Variants in TMC2 observed in about 807,000 individuals in gnomAD.
TMC2 encodes the protein transmembrane channel like 2.
Under a neutral mutation model 105.9 loss-of-function variants are expected in TMC2, and 102 were observed. The observed-to-expected ratio is 0.96, with a 90% CI of 0.82 to 1.14. The LOEUF (loss-of-function observed/expected upper bound fraction) is 1.14, where lower values mean the gene tolerates loss of function less well. Among genes scored for constraint, TMC2 ranks in the 50% most tolerant of loss-of-function variants. The pLI, the probability that TMC2 is intolerant of heterozygous loss-of-function variation, is 0.00. For synonymous variants in TMC2, 402 were observed against 422.8 expected (o/e 0.95, Z 0.60); for missense variants, 1,093 against 1,134.3 (o/e 0.96, Z 0.52).
chr20:2,616,301 AAGTCC>A lies in TMC2; in HGVS notation c.1940+98_1940+102del. 3.0e-6 allele frequency: 3 copies of A among 984,648 alleles called. No homozygotes were observed. The highest frequency in any genetic ancestry group is 2.4e-5 in the East Asian group (1 of 41,938). 61.0% of individuals were successfully genotyped at this position (984,648 alleles called of 1,614,324 possible). A position where few individuals can be genotyped will look rare whatever the true frequency, so the allele number is the denominator to read the frequency against. On this transcript the variant is annotated intron_variant, in intron 15 of 19. Transcript: ENST00000358864. This position sits in a 1 kb window ranked among gnomAD's most constrained non-coding sequence, Gnocchi z 4.8. Reference sequence around the variant, plus strand: ...CTTAACTAGTTGGAAGAGGCTAGATAAGTCCTCTTGCCTCTCTGAACTCCCCTCTT... The same window carrying A: ...CTTAACTAGTTGGAAGAGGCTAGATATCTTGCCTCTCTGAACTCCCCTCTT...
intron 14 of TMC2, among the ~76,000 whole-genome samples, chr20:2,615,650 A>G (rs2086475231): frequency 6.6e-6 from 1 of 152,272 alleles, no homozygotes; most frequent in South Asian, 2.1e-4. Flanking sequence ...GACTGGAGGA[A>G]GAAGAGAAGG....
intron 7 of TMC2, among the ~76,000 whole-genome samples, chr20:2,587,826 C>A (rs898404529): frequency 6.6e-6 from 1 of 152,112 alleles, no homozygotes; most frequent in Admixed American, 6.6e-5. Context: ...GTCACCATGT[C>A]GTACAATAGA....
rs1202827493 is a variant in TMC2, at chr20:2,592,187, TAAAG to T, written c.835-116_835-113del. ...AAAATGAATTAAATTAATAAATACA[TAAAG>T]AAAGAAGAAAATAGGTGTATTCCGC... On this transcript the variant is annotated intron_variant, in intron 7 of 19. Coordinates refer to ENST00000358864, the MANE Select transcript of TMC2 (RefSeq NM_080751.3). The surrounding 1 kb of genome is among the most constrained non-coding windows in gnomAD (Gnocchi z 4.9). The T allele has an allele frequency of 2.4e-5, 14 of 595,096 alleles. No homozygotes were observed. The highest frequency in any genetic ancestry group is 1.4e-4 in the East Asian group (5 of 35,104). 36.9% of individuals were successfully genotyped at this position (595,096 alleles called of 1,614,324 possible). A position where few individuals can be genotyped will look rare whatever the true frequency, so the allele number is the denominator to read the frequency against.
At chr20:2,604,823 G>A (rs1194732511) in intron 11 of TMC2, among the ~76,000 whole-genome samples, 1 of 152,174 alleles carries the variant, frequency 6.6e-6, no homozygotes, top group East Asian at 1.9e-4. Context: ...TGAAGAGTGG[G>A]CCTGGAAGCT....
At chr20:2,575,270 T>A (rs2122864362) in intron 5 of TMC2, among the ~76,000 whole-genome samples, 1 of 152,344 alleles carries the variant, frequency 6.6e-6, no homozygotes, top group African/African-American at 2.4e-5. Context: ...CATGTGTTTT[T>A]TAAAATCACA....
Position 2,558,775 on chromosome 20 carries a change from G to C in TMC2, c.401+1G>C, listed in dbSNP as rs1378058177. 7 of 1,536,326 alleles carry C rather than the reference G, an allele frequency of 4.6e-6. No individual in the cohort carries two copies. In the Admixed American group the frequency reaches 1.0e-4, roughly 23 times the overall value. On this transcript the variant is annotated splice_donor_variant, in intron 3 of 19. Coordinates refer to ENST00000358864, the MANE Select transcript of TMC2 (RefSeq NM_080751.3). LOFTEE classifies it high-confidence loss of function. This position sits in a 1 kb window ranked among gnomAD's most constrained non-coding sequence, Gnocchi z 4.6. ...AGTCGAAGCGGCAGAAGAAACCCAG[G>C]TGTGTTGTGGCTCCGATTCTGGGCA...
Position 2,558,985 on chromosome 20 carries a change from C to A in TMC2, c.401+211C>A, listed in dbSNP as rs2086005511. 6.6e-6 allele frequency among the ~76,000 whole-genome samples: 1 copy of A among 152,094 alleles called. No individual in the cohort carries two copies. Among genetic ancestry groups the A allele is most frequent in the African/African-American group, 2.4e-5 (1 of 41,436 alleles). Reference sequence around the variant, plus strand: ...AACCGGGATGAAGATCGCGGGTCCGCGCGGGGGAGTGGCCGCGGGCTCTCC... The same window carrying A: ...AACCGGGATGAAGATCGCGGGTCCGAGCGGGGGAGTGGCCGCGGGCTCTCC... On this transcript the variant is annotated intron_variant, in intron 3 of 19. Coordinates refer to ENST00000358864, the MANE Select transcript of TMC2 (RefSeq NM_080751.3). This position sits in a 1 kb window ranked among gnomAD's most constrained non-coding sequence, Gnocchi z 4.6.
chr20:2,596,717 A>ATGTGTGTGTGTG (rs35925886), intron 9 of TMC2, among the ~76,000 whole-genome samples: 1 of 146,128 alleles, frequency 6.8e-6, no homozygotes, highest in East Asian at 2.0e-4. Flanking sequence ...AAAAATATAT[A>ATGTGTGTGTGTG]TGTGTGTGTG....
chr20:2,625,384 T>C (rs922686137), intron 17 of TMC2, among the ~76,000 whole-genome samples: 1 of 152,200 alleles, frequency 6.6e-6, no homozygotes, highest in Non-Finnish European at 1.5e-5. Flanking sequence ...ACTCAATCCT[T>C]CTTTCTTCCT....
At chr20:2,617,012 AC>A (rs2086487386) in intron 15 of TMC2, 59 bp from the exon 16 acceptor site, 2 of 1,605,370 alleles carry the variant, frequency 1.2e-6, no homozygotes. Context: ...TCCTTCTATC[AC>A]CCTTCCCTCG....
At chr20:2,583,927 T>C (rs1568513988) in intron 7 of TMC2, among the ~76,000 whole-genome samples, 2 of 152,294 alleles carry the variant, frequency 1.3e-5, no homozygotes, top group East Asian at 3.9e-4. Context: ...TTGTGTGTTT[T>C]TTTAAGCCTC....
At chr20:2,601,122 G>A (rs899184653) in intron 10 of TMC2, among the ~76,000 whole-genome samples, 23 of 151,676 alleles carry the variant, frequency 1.5e-4, no homozygotes, top group African/African-American at 3.9e-4. Context: ...AAATATTGCC[G>A]AAAGAAATTA....
chr20:2,621,158 C>T (rs972308738), intron 16 of TMC2, among the ~76,000 whole-genome samples: 4 of 151,980 alleles, frequency 2.6e-5, no homozygotes, highest in African/African-American at 9.7e-5. Flanking sequence ...ATCAGGAGTT[C>T]AAGACCAGCC....
rs565558014 is a variant in TMC2, at chr20:2,590,374, A to G, written c.835-1936A>G. Among the ~76,000 whole-genome samples, 3 of 152,288 alleles carry G rather than the reference A, an allele frequency of 2.0e-5. No individual in the cohort carries two copies. The East Asian group carries it at 5.8e-4, about 29-fold the overall frequency. ...AAATTTCCTGTTTCTTAAGCTAGCT[A>G]GTGGATATATAGTAGTTAATTTCCT... On this transcript the variant is annotated intron_variant, in intron 7 of 19. Coordinates refer to ENST00000358864, the MANE Select transcript of TMC2 (RefSeq NM_080751.3).
chr20:2,621,617 C>T (rs2086525794), intron 16 of TMC2, among the ~76,000 whole-genome samples: 2 of 151,978 alleles, frequency 1.3e-5, no homozygotes, highest in Admixed American at 6.6e-5. Flanking sequence ...TGCAGTGAGC[C>T]GAAATCATGC....
rs138315031 is a variant in TMC2, at chr20:2,573,545, T to C, written c.645+1276T>C. ...ATGGTACTCTCTTATTAATTCTTTT[T>C]TTTTTCTTTTCTTTTCTTTTTTTTT... On this transcript the variant is annotated intron_variant, in intron 5 of 19. Coordinates refer to ENST00000358864, the MANE Select transcript of TMC2 (RefSeq NM_080751.3). Among the ~76,000 whole-genome samples, 697 of 150,422 alleles carry C rather than the reference T, an allele frequency of 4.6e-3. 16 individuals carry two copies. The East Asian group carries it at 0.054, about 12-fold the overall frequency.
chr20:2,598,758 C>T (rs6037076), intron 10 of TMC2, among the ~76,000 whole-genome samples: 4,105 of 152,040 alleles, frequency 0.027, 187 homozygotes, highest in African/African-American at 0.091. Context: ...GAGTTTTTTT[C>T]ATGTGAAGTG....
chr20:2,573,561 CTTTT>C (rs370771531), intron 5 of TMC2, among the ~76,000 whole-genome samples: 21 of 116,988 alleles, frequency 1.8e-4, no homozygotes, highest in African/African-American at 6.9e-4. Context: ...CTTTTCTTTT[CTTTT>C]TTTTTTTTTT....
intron 2 of TMC2, among the ~76,000 whole-genome samples, chr20:2,546,393 C>G (rs1439658773): frequency 6.6e-6 from 1 of 151,204 alleles, no homozygotes; most frequent in African/African-American, 2.4e-5. Context: ...ATTTACATAA[C>G]TAAAGTAGCC....
Sources: allele counts gnomAD v4.1 joint callset (sites outside exome capture counted in the v4.1 genomes callset), GRCh38; gene constraint gnomAD v4.1.1; non-coding constraint Gnocchi (gnomAD v3.1); transcripts MANE v1.5; gene names NCBI Gene and HGNC (gene_info 2026-07-23, HGNC 2026-07-21).